Variants in CCDC7 observed in about 807,000 individuals in gnomAD.
CCDC7 encodes the protein coiled-coil domain containing 7, also known as coiled-coil domain-containing protein 7.
A neutral mutation model predicts 196.9 loss-of-function variants in CCDC7; 183 were observed. The observed-to-expected ratio is 0.93, with a 90% confidence interval of 0.82 to 1.05. The LOEUF is 1.05. Among genes scored for constraint, CCDC7 ranks in the 50% least tolerant of loss-of-function variants. The probability of loss-of-function intolerance (pLI) is 0.00; values close to 1 mark genes in which losing one functional copy is unlikely to be tolerated. For synonymous variants in CCDC7, 525 were observed against 484.6 expected (o/e 1.08, Z -1.10); for missense variants, 1,540 against 1,482.2 (o/e 1.04, Z -0.64).
At chr10:32,480,046 AT>A (rs769737382) in intron 8 of CCDC7, among the ~76,000 whole-genome samples, 8 of 151,836 alleles carry the variant, frequency 5.3e-5, no homozygotes, top group Non-Finnish European at 1.0e-4. Flanking sequence ...ATCAGTTATT[AT>A]GTCTCTTCTT....
chr10:32,560,813 A>G (rs1457207989), intron 13 of CCDC7, among the ~76,000 whole-genome samples: 2 of 152,308 alleles, frequency 1.3e-5, no homozygotes, highest in African/African-American at 4.8e-5. Flanking sequence ...TCAAATTCAC[A>G]CATAACAATA....
chr10:32,711,741 TG>T lies in CCDC7; in HGVS notation c.2569+12del. The T allele has an allele frequency of 7.1e-7, 1 of 1,415,776 alleles. No homozygotes were observed. The highest frequency in any genetic ancestry group is 9.7e-7 in the Non-Finnish European group (1 of 1,035,604). 87.7% of individuals were successfully genotyped at this position (1,415,776 alleles called of 1,614,324 possible). ...GAGAAGGACGTAGCAGTAAGTATAA[TG>T]ATGATAGCTATTTTATATTATTTTA... On this transcript the variant is annotated intron_variant, in intron 25 of 41. Transcript: ENST00000639629.
chr10:32,782,402 A>G (rs1038287387), intron 29 of CCDC7, among the ~76,000 whole-genome samples: 1 of 152,114 alleles, frequency 6.6e-6, no homozygotes, highest in Non-Finnish European at 1.5e-5. Flanking sequence ...TAATTTTTGT[A>G]TGTTTAGAAG....
At chr10:32,832,673 AAACTT>A (rs2092298088) in intron 32 of CCDC7, among the ~76,000 whole-genome samples, 1 of 152,184 alleles carries the variant, frequency 6.6e-6, no homozygotes, top group African/African-American at 2.4e-5. Context: ...TTATTAAAAA[AAACTT>A]AAGAAAGTTC....
At chr10:32,789,000 T>C (rs533363283) in intron 29 of CCDC7, among the ~76,000 whole-genome samples, 132 of 152,032 alleles carry the variant, frequency 8.7e-4, no homozygotes, top group African/African-American at 3.1e-3. Context: ...ATCCAGCCAC[T>C]AGGCCAGCCT....
intron 29 of CCDC7, among the ~76,000 whole-genome samples, chr10:32,804,244 T>G (rs1387494078): frequency 2.0e-5 from 3 of 152,152 alleles, no homozygotes; most frequent in Admixed American, 1.3e-4. Flanking sequence ...TCCTCCTTAA[T>G]AAATTTCAGG....
intron 24 of CCDC7, 43 bp from the exon 26 acceptor site, chr10:32,711,577 A>T: frequency 8.4e-7 from 1 of 1,185,526 alleles, no homozygotes; most frequent in Non-Finnish European, 1.2e-6. Context: ...TTCATAGTAG[A>T]TTTGTTTTTC....
rs775836666 is a variant in CCDC7, at chr10:32,472,547, T to C, written c.739+5T>C. Reference sequence around the variant, plus strand: ...CTCTGGCACAGAAAATTGAAGGTGATAATATTTTATATATGTTTATCCTTA... The same window carrying C: ...CTCTGGCACAGAAAATTGAAGGTGACAATATTTTATATATGTTTATCCTTA... On this transcript the variant is annotated splice_donor_5th_base_variant and intron_variant, in intron 7 of 41. Coordinates refer to ENST00000639629, the Ensembl canonical transcript of CCDC7. 10 of 1,558,922 alleles carry C rather than the reference T, an allele frequency of 6.4e-6. No individual in the cohort carries two copies. The East Asian group carries it at 2.1e-4, about 33-fold the overall frequency.
intron 18 of CCDC7, among the ~76,000 whole-genome samples, chr10:32,628,414 A>G (rs2064358375): frequency 6.6e-6 from 1 of 151,656 alleles, no homozygotes; most frequent in African/African-American, 2.4e-5. Context: ...AATTTAGTCT[A>G]CCTAAAGGTT....
In CCDC7 at chr10:32,729,331, G is replaced by C; in HGVS notation, c.2780-1G>C. On this transcript the variant is annotated splice_acceptor_variant, in intron 27 of 41. Transcript: ENST00000639629. LOFTEE classifies it high-confidence loss of function. ...TTGCACATCTATTTTTTTCTATTTAGCGTTTCCTTTAGAAATCAAAAAAAA... is the reference window on the plus strand; with the variant it reads ...TTGCACATCTATTTTTTTCTATTTACCGTTTCCTTTAGAAATCAAAAAAAA... The C allele has an allele frequency of 6.4e-7, 1 of 1,553,050 alleles. No individual in the cohort carries two copies.
At chr10:32,716,419 A>T (rs972171576) in intron 25 of CCDC7, among the ~76,000 whole-genome samples, 4 of 152,244 alleles carry the variant, frequency 2.6e-5, no homozygotes, top group African/African-American at 9.6e-5. Context: ...GGAAAGGAAA[A>T]ACTGGTAGCA....
At chr10:32,554,540 C>G (rs146254836) in intron 13 of CCDC7, among the ~76,000 whole-genome samples, 3 of 152,300 alleles carry the variant, frequency 2.0e-5, no homozygotes, top group African/African-American at 7.2e-5. Flanking sequence ...TAAATGGACT[C>G]AGTTCCAAGT....
intron 18 of CCDC7, among the ~76,000 whole-genome samples, chr10:32,629,484 C>A (rs942600436): frequency 1.3e-5 from 2 of 152,046 alleles, no homozygotes; most frequent in East Asian, 3.9e-4. Context: ...AAAAGTCGGT[C>A]TCCTTGATGT....
At chr10:32,479,172 T>C (rs551348503) in intron 8 of CCDC7, among the ~76,000 whole-genome samples, 143 of 152,260 alleles carry the variant, frequency 9.4e-4, no homozygotes, top group African/African-American at 3.2e-3. Flanking sequence ...CAAATAGAAA[T>C]AATTTTATTT....
chr10:32,747,862 T>C (rs559591700), intron 28 of CCDC7, among the ~76,000 whole-genome samples: 1 of 152,126 alleles, frequency 6.6e-6, no homozygotes, highest in African/African-American at 2.4e-5. Flanking sequence ...CCATTACTGG[T>C]TATATAGCCA....
intron 29 of CCDC7, among the ~76,000 whole-genome samples, chr10:32,784,540 C>T (rs994664476): frequency 1.3e-5 from 2 of 152,162 alleles, no homozygotes; most frequent in Admixed American, 1.3e-4. Context: ...ATCCATGTCC[C>T]TACAAAGGAC....
At chr10:32,468,357 T>G (rs1014861546) in intron 5 of CCDC7, among the ~76,000 whole-genome samples, 1 of 152,208 alleles carries the variant, frequency 6.6e-6, no homozygotes, top group Non-Finnish European at 1.5e-5. Context: ...TGAATGGGAT[T>G]GCATTCCTGA....
At chr10:32,682,582 C>A (rs937170794) in intron 21 of CCDC7, among the ~76,000 whole-genome samples, 1 of 152,204 alleles carries the variant, frequency 6.6e-6, no homozygotes, top group Admixed American at 6.5e-5. Flanking sequence ...CTGTTTTCCA[C>A]AGTGGCTGAA....
intron 24 of CCDC7, among the ~76,000 whole-genome samples, chr10:32,696,941 A>G (rs191037788): frequency 6.6e-6 from 1 of 152,298 alleles, no homozygotes; most frequent in East Asian, 1.9e-4. Flanking sequence ...TGCACCAGAG[A>G]AAGTGAACAA....
Sources: gnomAD v4.1 joint callset for allele counts (sites outside exome capture counted in the v4.1 genomes callset) on GRCh38, gnomAD v4.1.1 for gene constraint, MANE v1.5 for transcripts, NCBI Gene and HGNC (gene_info 2026-07-23, HGNC 2026-07-21) for gene names.